The following AIDA variants were observed in gnomAD, a reference collection of about 807,000 sequenced individuals.
The protein encoded by AIDA is axin interactor, dorsalization-associated protein.
AIDA carries 18 observed loss-of-function variants against 42.7 expected under a neutral mutation model. The observed-to-expected ratio is 0.42, with a 90% CI of 0.29 to 0.63. The LOEUF is 0.63. Ranked by LOEUF, AIDA falls within the 20% of genes least tolerant of loss-of-function variation. The probability of loss-of-function intolerance (pLI) is 0.19; values close to 1 mark genes in which losing one functional copy is unlikely to be tolerated. For missense variants in AIDA, 250 were observed against 354.1 expected (o/e 0.71, Z 2.36); for synonymous variants, 104 against 122.9 (o/e 0.85, Z 1.02).
In AIDA at chr1:222,711,944, C is replaced by T; in HGVS notation, c.110+264G>A. On this transcript the variant is annotated intron_variant, in intron 1 of 9. Coordinates refer to ENST00000340020, the MANE Select transcript of AIDA (RefSeq NM_022831.4). ...GCAGATAGCCTGCTGGGGCCTGCGC[C>T]CCAGGAAAGAAGGGCTACCTGTTGA... 12 of 444,584 alleles carry T rather than the reference C, an allele frequency of 2.7e-5. 1 individual carries two copies. In the South Asian group the frequency reaches 2.9e-4, roughly 11 times the overall value. The allele number at this position is 444,584 out of a possible 1,614,324, so 27.5% of individuals were successfully genotyped here.
At chr1:222,707,877 T>C (rs1338846759) in intron 1 of AIDA, among the ~76,000 whole-genome samples, 1 of 152,232 alleles carries the variant, frequency 6.6e-6, no homozygotes, top group Non-Finnish European at 1.5e-5. Flanking sequence ...AAAAATATCA[T>C]GAGGATGTCA....
Position 222,712,391 on chromosome 1 carries a change from C to A in AIDA, c.-74G>T, listed in dbSNP as rs1656110040. The A allele has an allele frequency of 6.7e-7, 1 of 1,483,128 alleles. No homozygotes were observed. Among genetic ancestry groups the A allele is most frequent in the South Asian group, 1.4e-5 (1 of 72,906 alleles). The allele number at this position is 1,483,128 out of a possible 1,614,324, so 91.9% of individuals were successfully genotyped here. A position where few individuals can be genotyped will look rare whatever the true frequency, so the allele number is the denominator to read the frequency against. On this transcript the variant is annotated 5_prime_UTR_variant, in exon 1 of 10. Transcript: ENST00000340020. Reference sequence around the variant, plus strand: ...GTTCTAGGGCGCCATCCTCCCCCGGCCTGGCCCCGACATTAACAGGGCCAG... The same window carrying A: ...GTTCTAGGGCGCCATCCTCCCCCGGACTGGCCCCGACATTAACAGGGCCAG...
In AIDA at chr1:222,703,230, A is replaced by T; in HGVS notation, c.111-13T>A. 1 of 1,593,582 alleles carries T rather than the reference A, an allele frequency of 6.3e-7. No homozygotes were observed. The highest frequency in any genetic ancestry group is 8.5e-7 in the Non-Finnish European group (1 of 1,169,822). ...ATGTCTTGCTAATCTGTAAGAAGAA[A>T]ACATATTCTTTAGAATGGAAGAAAA... On this transcript the variant is annotated splice_polypyrimidine_tract_variant and intron_variant, in intron 1 of 9. Coordinates refer to ENST00000340020, the MANE Select transcript of AIDA (RefSeq NM_022831.4).
chr1:222,684,179 C>T (rs1273627186), intron 6 of AIDA, among the ~76,000 whole-genome samples: 1 of 151,958 alleles, frequency 6.6e-6, no homozygotes, highest in Non-Finnish European at 1.5e-5. Context: ...ATGGCACAAC[C>T]TTAGCTCACG....
chr1:222,694,340 T>G (rs1655458170), intron 2 of AIDA, 77 bp from the exon 3 acceptor site: 2 of 1,193,810 alleles, frequency 1.7e-6, no homozygotes, highest in Non-Finnish European at 2.4e-6. Context: ...TAATTTTTAT[T>G]AATAAAAGAT....
intron 4 of AIDA, among the ~76,000 whole-genome samples, chr1:222,690,375 T>C (rs1655338902): frequency 6.6e-6 from 1 of 152,230 alleles, no homozygotes; most frequent in Non-Finnish European, 1.5e-5. Flanking sequence ...CATCTTACAA[T>C]TCTAGCTACC....
At chr1:222,690,176 A>G (rs906089852) in intron 4 of AIDA, among the ~76,000 whole-genome samples, 1 of 152,210 alleles carries the variant, frequency 6.6e-6, no homozygotes, top group African/African-American at 2.4e-5. Context: ...CCTTGAGTGC[A>G]TCCCTGTCAT....
chr1:222,701,746 G>A (rs1218891023), intron 2 of AIDA, among the ~76,000 whole-genome samples: 2 of 152,066 alleles, frequency 1.3e-5, no homozygotes, highest in Admixed American at 6.5e-5. Context: ...CAAGACAAGA[G>A]TCTTGCTCTG....
At chr1:222,707,439 G>A (rs946729262) in intron 1 of AIDA, among the ~76,000 whole-genome samples, 4 of 152,048 alleles carry the variant, frequency 2.6e-5, no homozygotes, top group East Asian at 1.9e-4. Flanking sequence ...GATTACAGGC[G>A]TGAGCCACCG....
At chr1:222,678,508 C>A (rs951349) in intron 6 of AIDA, among the ~76,000 whole-genome samples, 1 of 152,060 alleles carries the variant, frequency 6.6e-6, no homozygotes, top group Admixed American at 6.5e-5. Flanking sequence ...GCTGACATTT[C>A]TTTCTTCCTT....
chr1:222,693,722 G>T, intron 4 of AIDA, 67 bp downstream of exon 4: 2 of 1,275,846 alleles, frequency 1.6e-6, no homozygotes, highest in Non-Finnish European at 1.1e-6. Context: ...TTGTTAAATA[G>T]CCTTAACATC....
chr1:222,710,083 T>C (rs761504078), intron 1 of AIDA, among the ~76,000 whole-genome samples: 1 of 152,198 alleles, frequency 6.6e-6, no homozygotes, highest in African/African-American at 2.4e-5. Flanking sequence ...TGTCAATTCT[T>C]GTTTACATCA....
At chr1:222,709,963 C>G (rs548755198) in intron 1 of AIDA, among the ~76,000 whole-genome samples, 2 of 152,266 alleles carry the variant, frequency 1.3e-5, no homozygotes, top group South Asian at 2.1e-4. Flanking sequence ...CATAAAGCAG[C>G]TCCTGTGTGT....
intron 6 of AIDA, among the ~76,000 whole-genome samples, chr1:222,676,939 CA>C (rs921891553): frequency 1.3e-5 from 2 of 148,906 alleles, no homozygotes; most frequent in Admixed American, 6.7e-5. Flanking sequence ...AAAAAACAAA[CA>C]AAAAAAAACC....
chr1:222,689,200 G>A (rs1655278284), intron 4 of AIDA, among the ~76,000 whole-genome samples: 1 of 151,818 alleles, frequency 6.6e-6, no homozygotes, highest in African/African-American at 2.4e-5. Flanking sequence ...CACTTTGGGA[G>A]GCTGAGGCAG....
chr1:222,709,901 T>C (rs566104226), intron 1 of AIDA, among the ~76,000 whole-genome samples: 26 of 152,332 alleles, frequency 1.7e-4, no homozygotes, highest in East Asian at 1.5e-3. Flanking sequence ...GCTACAGTAT[T>C]ATTACATTAT....
chr1:222,711,927 C>A, intron 1 of AIDA: 4 of 385,902 alleles, frequency 1.0e-5, no homozygotes, highest in Non-Finnish European at 1.9e-5. Flanking sequence ...AAGCAGATAG[C>A]CTGCTGGGGC....
intron 5 of AIDA, 71 bp from the exon 6 acceptor site, chr1:222,687,107 T>C: frequency 6.4e-7 from 1 of 1,557,692 alleles, no homozygotes; most frequent in Non-Finnish European, 8.7e-7. Context: ...TCACAGACAC[T>C]CGTTTCCCAG....
chr1:222,685,845 C>A (rs566671824), intron 6 of AIDA, among the ~76,000 whole-genome samples: 4 of 152,242 alleles, frequency 2.6e-5, no homozygotes, highest in Admixed American at 2.6e-4. Flanking sequence ...CACTTTTAAC[C>A]ACCACAATTT....
Sources: allele counts gnomAD v4.1 joint callset (sites outside exome capture counted in the v4.1 genomes callset), GRCh38; gene constraint gnomAD v4.1.1; transcripts MANE v1.5; gene names NCBI Gene and HGNC (gene_info 2026-07-23, HGNC 2026-07-21).